FILIP1: variants seen among roughly 807,000 people sequenced by gnomAD.
FILIP1 encodes the protein filamin A interacting protein 1, also known as filamin-A-interacting protein 1.
A neutral mutation model predicts 102.1 loss-of-function variants in FILIP1; 61 were observed. The ratio of observed to expected loss-of-function variants is 0.60; its 90% CI spans 0.49 to 0.74. The LOEUF (loss-of-function observed/expected upper bound fraction) is 0.74. FILIP1 is among the 30% of genes least tolerant of loss of function. FILIP1 has a pLI of 0.00. For missense variants in FILIP1, 1,314 were observed against 1,441.2 expected, an observed-to-expected ratio of 0.91 and a Z score of 1.43; for synonymous variants, 491 against 526.9, an observed-to-expected ratio of 0.93 and a Z score of 0.93.
chr6:75,376,138 T>C (rs1374014229), intron 2 of FILIP1, among the ~76,000 whole-genome samples: 1 of 152,192 alleles, frequency 6.6e-6, no homozygotes, highest in Non-Finnish European at 1.5e-5. Context: ...ATTAATATTG[T>C]TGTGTCCTTA....
rs79907765 is a variant in FILIP1 at position 75,338,676 on chromosome 6, C to T, written c.629+14863G>A. 9.4e-3 allele frequency among the ~76,000 whole-genome samples: 1,434 copies of T among 152,282 alleles called. 15 individuals carry two copies. The highest frequency in any genetic ancestry group is 0.032 in the African/African-American group (1,338 of 41,556). ...TAAGTTTATGCAAAAACAATATTTA[C>T]TTGTTATTTATTGTGATGACAAATG... On this transcript the variant is annotated intron_variant, in intron 4 of 5. Coordinates refer to ENST00000237172, the MANE Select transcript of FILIP1 (RefSeq NM_015687.5).
intron 4 of FILIP1, among the ~76,000 whole-genome samples, chr6:75,344,832 T>G (rs1774523913): frequency 6.6e-6 from 1 of 152,232 alleles, no homozygotes; most frequent in African/African-American, 2.4e-5. Context: ...GAAAACTTTT[T>G]GAAATAGATC....
chr6:75,490,307 A>C (rs1779918732), intron 1 of FILIP1, among the ~76,000 whole-genome samples: 1 of 152,140 alleles, frequency 6.6e-6, no homozygotes, highest in African/African-American at 2.4e-5. Context: ...ATAAATACTA[A>C]GAGAATGTTT....
chr6:75,362,676 A>T (rs1463536465), intron 3 of FILIP1, 68 bp downstream of exon 3: 2 of 1,499,502 alleles, frequency 1.3e-6, no homozygotes, highest in Non-Finnish European at 1.8e-6. Flanking sequence ...AAAGCATGTA[A>T]ATGGAAGAAT....
At position 75,296,171 on chromosome 6, in the gene FILIP1, A is replaced by G. The variant is rs1033084922; in HGVS notation, c.3494-221T>C. 6.2e-4 allele frequency among the ~76,000 whole-genome samples: 94 copies of G among 152,176 alleles called. 1 individual carries two copies. The highest frequency in any genetic ancestry group is 1.3e-3 in the African/African-American group (55 of 41,438). ...TTAAAGCCCTTTAGAAACTACGTCT[A>G]ACGTTCTGACAATAGTAGATCAGTT... On this transcript the variant is annotated intron_variant, in intron 6 of 6. Coordinates refer to the FILIP1 transcript ENST00000393004.
rs756013863 is a variant in FILIP1, at chr6:75,313,706, C to A, written c.2126G>T (p.Arg709Ile). 8 of 1,563,218 alleles carry A rather than the reference C, an allele frequency of 5.1e-6. No homozygotes were observed. The highest frequency in any genetic ancestry group is 2.5e-5 in the South Asian group (2 of 79,870). The change falls in exon 5 of 6, where the codon AGA becomes ATA. Residue 709 changes from arginine to isoleucine, a missense_variant. By Grantham distance (97) the Arg-to-Ile change is moderately conservative (BLOSUM62 -3). This residue lies in a region of FILIP1 where 816 missense variants were observed against 913.1 expected (regional missense o/e 0.89). Coordinates refer to ENST00000237172, the MANE Select transcript of FILIP1 (RefSeq NM_015687.5). The surrounding 1 kb of genome is among the most constrained non-coding windows in gnomAD (Gnocchi z 4.2). ...ACTTTTAGCTTCTTCCAACCGAAAT[C>A]TGTGTCTCAGTTCAGCTTCCTGGCT... ...VVSQEAELRH[R>I]FRLEEAKSRD...
intron 4 of FILIP1, among the ~76,000 whole-genome samples, chr6:75,328,376 C>A (rs950107667): frequency 6.6e-6 from 1 of 152,098 alleles, no homozygotes; most frequent in Non-Finnish European, 1.5e-5. Flanking sequence ...ATAGATGAAA[C>A]CAGACTGGTC....
At chr6:75,323,531 G>T (rs1773731580) in intron 4 of FILIP1, among the ~76,000 whole-genome samples, 1 of 152,202 alleles carries the variant, frequency 6.6e-6, no homozygotes, top group African/African-American at 2.4e-5. Context: ...GGAAGCACAG[G>T]TGGGGAAGGT....
intron 2 of FILIP1, among the ~76,000 whole-genome samples, chr6:75,370,367 A>G (rs913981716): frequency 2.9e-4 from 44 of 152,172 alleles, no homozygotes; most frequent in African/African-American, 1.0e-3. Context: ...TGCCTGCTGC[A>G]TGGTAGGCAC....
intron 1 of FILIP1, among the ~76,000 whole-genome samples, chr6:75,420,418 T>C (rs1245620970): frequency 6.6e-6 from 1 of 152,144 alleles, no homozygotes; most frequent in Non-Finnish European, 1.5e-5. Context: ...TGGTGATAGA[T>C]GGTAACCTTT....
intron 1 of FILIP1, among the ~76,000 whole-genome samples, chr6:75,476,868 G>C (rs1221066540): frequency 6.6e-6 from 1 of 152,156 alleles, no homozygotes; most frequent in Non-Finnish European, 1.5e-5. Context: ...CTGCTCCCTA[G>C]TGTCTGGTTT....
intron 3 of FILIP1, among the ~76,000 whole-genome samples, chr6:75,354,833 CT>C (rs1319100834): frequency 6.6e-6 from 1 of 152,192 alleles, no homozygotes; most frequent in African/African-American, 2.4e-5. Context: ...GACTTCTCCC[CT>C]GGAAAGTAAT....
chr6:75,310,970 CTA>C (rs2149543977), intron 5 of FILIP1, among the ~76,000 whole-genome samples: 1 of 152,186 alleles, frequency 6.6e-6, no homozygotes, highest in African/African-American at 2.4e-5. Context: ...GCCACAGTTT[CTA>C]TATTTAAATT....
intron 4 of FILIP1, among the ~76,000 whole-genome samples, chr6:75,335,652 G>A (rs186646701): frequency 6.6e-6 from 1 of 151,958 alleles, no homozygotes; most frequent in African/African-American, 2.4e-5. Flanking sequence ...TGTCATTTAT[G>A]TTATGAAATT....
intron 1 of FILIP1, among the ~76,000 whole-genome samples, chr6:75,490,949 A>T (rs369155982): frequency 6.6e-6 from 1 of 152,132 alleles, no homozygotes; most frequent in Admixed American, 6.6e-5. Context: ...AACATCCACA[A>T]TGTGCCTGCA....
chr6:75,353,595 A>C lies in FILIP1; in HGVS notation c.573T>G (p.Thr191=). ...AGTCGTCGCTCTTGTTCATGTAGTC[A>C]GTGTGTTTATGCTTCTCGTTCTCTA... ...YELENEKHKH[T]DYMNKSDDFT... Residue 191 remains threonine, a synonymous_variant, in exon 4 of 6, where the codon ACT becomes ACG. Transcript: ENST00000237172. 2 of 1,614,184 alleles carry C rather than the reference A, an allele frequency of 1.2e-6. No homozygotes were observed. Among genetic ancestry groups the C allele is most frequent in the Non-Finnish European group, 1.7e-6 (2 of 1,180,032 alleles).
chr6:75,372,675 A>AAGAAAGAG (rs1212319722), intron 2 of FILIP1, among the ~76,000 whole-genome samples: 10 of 60,474 alleles, frequency 1.7e-4, no homozygotes, highest in African/African-American at 9.7e-4. Context: ...GAAAGAAAGA[A>AAGAAAGAG]AGAAAGAAAG....
chr6:75,432,328 CTTTATTGTT>C (rs1192495927), intron 1 of FILIP1, among the ~76,000 whole-genome samples: 1 of 152,192 alleles, frequency 6.6e-6, no homozygotes, highest in Non-Finnish European at 1.5e-5. Context: ...TCAGGACCTA[CTTTATTGTT>C]TCATTGTTAC....
At chr6:75,318,826 C>T (rs1453214594) in intron 4 of FILIP1, among the ~76,000 whole-genome samples, 1 of 152,058 alleles carries the variant, frequency 6.6e-6, no homozygotes, top group African/African-American at 2.4e-5. Flanking sequence ...GGCAAGGTTA[C>T]TGGCTATTGA....
Sources: allele counts gnomAD v4.1 joint callset (sites outside exome capture counted in the v4.1 genomes callset), GRCh38; gene constraint gnomAD v4.1.1; regional missense constraint gnomAD v4.1.1; non-coding constraint Gnocchi (gnomAD v3.1); transcripts MANE v1.5; gene names NCBI Gene and HGNC (gene_info 2026-07-23, HGNC 2026-07-21).